Variants in RHPN2 observed in about 807,000 individuals in gnomAD.
The protein encoded by RHPN2 is rhophilin-2.
A neutral mutation model predicts 79.0 loss-of-function variants in RHPN2; 40 were observed. The ratio of observed to expected loss-of-function variants is 0.51; its 90% CI spans 0.39 to 0.66. The LOEUF is 0.66. RHPN2 is among the 30% of genes least tolerant of loss of function. The pLI, the probability that RHPN2 is intolerant of heterozygous loss-of-function variation, is 0.00. For synonymous variants in RHPN2, 285 were observed against 363.5 expected (o/e 0.78, Z 2.46); for missense variants, 686 against 883.5 (o/e 0.78, Z 2.83).
chr19:33,033,352 G>A (rs768678195), intron 2 of RHPN2, among the ~76,000 whole-genome samples: 64 of 152,246 alleles, frequency 4.2e-4, no homozygotes, highest in Middle Eastern at 3.4e-3. Context: ...GGTCAACTGA[G>A]GTCAGGAATT....
chr19:33,025,311 T>TAAAAA lies in RHPN2; in HGVS notation c.314+1188_314+1192dup, dbSNP rs201499801. Among the ~76,000 whole-genome samples, 25 of 130,854 alleles carry TAAAAA rather than the reference T, an allele frequency of 1.9e-4. 1 individual carries two copies. In the South Asian group the frequency reaches 2.3e-3, roughly 12 times the overall value. 85.8% of individuals were successfully genotyped at this position (130,854 alleles called of 152,430 possible). On this transcript the variant is annotated intron_variant, in intron 3 of 14. Coordinates refer to ENST00000254260, the MANE Select transcript of RHPN2 (RefSeq NM_033103.5). Reference sequence around the variant, plus strand: ...AACATGATGAAACCCTGTCTCTACTTAAAAAAAAAAAAAAAAAACAATTAG... The same window carrying TAAAAA: ...AACATGATGAAACCCTGTCTCTACTTAAAAAAAAAAAAAAAAAAAAAAACAATTAG...
intron 5 of RHPN2, among the ~76,000 whole-genome samples, 188 bp downstream of exon 5, chr19:33,012,459 A>G (rs1186738489): frequency 2.6e-5 from 4 of 151,990 alleles, no homozygotes; most frequent in Admixed American, 1.3e-4. Flanking sequence ...TTACACAGGC[A>G]TGAACCACCG....
intron 1 of RHPN2, among the ~76,000 whole-genome samples, chr19:33,064,110 G>A (rs1487369963): frequency 6.6e-6 from 1 of 152,160 alleles, no homozygotes; most frequent in Non-Finnish European, 1.5e-5. Context: ...TTGAGAGACC[G>A]GGGCGGGAGG....
At chr19:33,049,692 C>T (rs1257537357) in intron 1 of RHPN2, among the ~76,000 whole-genome samples, 2 of 152,144 alleles carry the variant, frequency 1.3e-5, no homozygotes, top group African/African-American at 4.8e-5. Flanking sequence ...AGTGAACCCC[C>T]GTGTCATCAC....
intron 3 of RHPN2, among the ~76,000 whole-genome samples, chr19:33,024,055 G>C (rs1971947033): frequency 6.6e-6 from 1 of 152,164 alleles, no homozygotes; most frequent in South Asian, 2.1e-4. Context: ...TCCAGAACCT[G>C]AACCTTTTGG....
At chr19:33,040,907 G>C (rs1198959572) in intron 2 of RHPN2, among the ~76,000 whole-genome samples, 1 of 152,006 alleles carries the variant, frequency 6.6e-6, no homozygotes, top group African/African-American at 2.4e-5. Context: ...AGGTGAGCTG[G>C]TATCTCGACA....
At chr19:33,046,076 A>C (rs1212998869) in intron 1 of RHPN2, among the ~76,000 whole-genome samples, 1 of 146,172 alleles carries the variant, frequency 6.8e-6, no homozygotes, top group Non-Finnish European at 1.5e-5. Flanking sequence ...GATACACCAC[A>C]CTTGTGTACT....
Position 33,044,245 on chromosome 19 carries a change from C to T in RHPN2, c.185+4G>A. 1.2e-6 allele frequency: 2 copies of T among 1,608,316 alleles called. No individual in the cohort carries two copies. Among genetic ancestry groups the T allele is most frequent in the Non-Finnish European group, 1.7e-6 (2 of 1,175,016 alleles). Reference sequence around the variant, plus strand: ...GAGAGGCAGGGAAGCCAGAAGACACCTACTTCAGAAGGTTTTCCGCTCCGG... The same window carrying T: ...GAGAGGCAGGGAAGCCAGAAGACACTTACTTCAGAAGGTTTTCCGCTCCGG... On this transcript the variant is annotated splice_donor_region_variant and intron_variant, in intron 2 of 14. Transcript: ENST00000254260.
At chr19:32,998,398 T>G (rs1454489191) in intron 10 of RHPN2, among the ~76,000 whole-genome samples, 1 of 152,066 alleles carries the variant, frequency 6.6e-6, no homozygotes, top group African/African-American at 2.4e-5. Flanking sequence ...AACCCAGCAC[T>G]TTGGGAGACA....
In RHPN2 at chr19:32,994,165, G is replaced by A. The variant is rs1237911958; in HGVS notation, c.1421-112C>T. ...AATCCCAGCACTTTGGGAGGCTGAG[G>A]CAGGTGGATCACTTGAGGCCATAAG... On this transcript the variant is annotated intron_variant, in intron 11 of 14. Coordinates refer to ENST00000254260, the MANE Select transcript of RHPN2 (RefSeq NM_033103.5). The A allele has an allele frequency of 6.6e-6, 5 of 755,198 alleles. No individual in the cohort carries two copies. In the African/African-American group the frequency reaches 7.0e-5, roughly 11 times the overall value. 46.8% of individuals were successfully genotyped at this position (755,198 alleles called of 1,614,324 possible).
At chr19:33,040,904 C>G (rs1428410541) in intron 2 of RHPN2, among the ~76,000 whole-genome samples, 1 of 152,070 alleles carries the variant, frequency 6.6e-6, no homozygotes, top group Non-Finnish European at 1.5e-5. Flanking sequence ...CGCAGGTGAG[C>G]TGGTATCTCG....
chr19:32,981,084 C>G (rs978040807), intron 14 of RHPN2, among the ~76,000 whole-genome samples: 14 of 152,098 alleles, frequency 9.2e-5, no homozygotes, highest in Non-Finnish European at 1.8e-4. Flanking sequence ...CTTGGCCTCC[C>G]AAAGTGCTGG....
At chr19:33,020,676 A>C (rs1304429114) in intron 4 of RHPN2, among the ~76,000 whole-genome samples, 1 of 151,974 alleles carries the variant, frequency 6.6e-6, no homozygotes, top group Non-Finnish European at 1.5e-5. Context: ...ATTTCTGTAC[A>C]TTTAGTAGAG....
rs112088819 is a variant in RHPN2 at position 32,996,386 on chromosome 19, A to G, written c.1226-166T>C. ...GTTTTAACCTGAGTGACTCTCTCCT[A>G]GCAGAGAGAGCCGGACAGACTCCAT... On this transcript the variant is annotated intron_variant, in intron 10 of 14. Transcript: ENST00000254260. The G allele has an allele frequency of 6.8e-4, 465 of 687,582 alleles. 4 individuals are homozygous for G. The African/African-American group carries it at 7.1e-3, about 10-fold the overall frequency. The allele number at this position is 687,582 out of a possible 1,614,324, so 42.6% of individuals were successfully genotyped here. A position where few individuals can be genotyped will look rare whatever the true frequency, so the allele number is the denominator to read the frequency against.
chr19:32,979,585 T>C lies in RHPN2; in HGVS notation c.*411A>G. 4.9e-6 allele frequency: 1 copy of C among 203,058 alleles called. No homozygotes were observed. Among genetic ancestry groups the C allele is most frequent in the Admixed American group, 5.4e-5 (1 of 18,640 alleles). 12.6% of individuals were successfully genotyped at this position (203,058 alleles called of 1,614,324 possible). On this transcript the variant is annotated 3_prime_UTR_variant, in exon 15 of 15. Coordinates refer to ENST00000254260, the MANE Select transcript of RHPN2 (RefSeq NM_033103.5). Reference sequence around the variant, plus strand: ...ATTACAGTCCTCTGACCTGCCTTAATTCCAGGATCATCTGAATTCTAGGTT... The same window carrying C: ...ATTACAGTCCTCTGACCTGCCTTAACTCCAGGATCATCTGAATTCTAGGTT...
At chr19:33,025,688 C>G (rs953793922) in intron 3 of RHPN2, among the ~76,000 whole-genome samples, 1 of 152,182 alleles carries the variant, frequency 6.6e-6, no homozygotes, top group Non-Finnish European at 1.5e-5. Context: ...TTTGTGTATG[C>G]TTTTTGTTCC....
At chr19:32,996,990 G>T (rs1317687269) in intron 10 of RHPN2, among the ~76,000 whole-genome samples, 1 of 151,978 alleles carries the variant, frequency 6.6e-6, no homozygotes, top group Non-Finnish European at 1.5e-5. Flanking sequence ...CAAACTCCTG[G>T]GCTGAACTGA....
intron 1 of RHPN2, among the ~76,000 whole-genome samples, chr19:33,050,181 G>T (rs138208998): frequency 1.5e-3 from 231 of 152,260 alleles, no homozygotes; most frequent in African/African-American, 5.2e-3. Flanking sequence ...AACCTGGGAG[G>T]CTGTGACACT....
At chr19:32,994,327 C>G (rs1482665919) in intron 11 of RHPN2, among the ~76,000 whole-genome samples, 1 of 152,010 alleles carries the variant, frequency 6.6e-6, no homozygotes. Context: ...ACCCAGGAGG[C>G]AGAGGCTGCA....
Sources: allele counts gnomAD v4.1 joint callset (sites outside exome capture counted in the v4.1 genomes callset), GRCh38; gene constraint gnomAD v4.1.1; transcripts MANE v1.5; gene names NCBI Gene and HGNC (gene_info 2026-07-23, HGNC 2026-07-21).